Variants in RALGAPA1 observed in about 807,000 individuals in gnomAD.
RALGAPA1 encodes the protein Ral GTPase activating protein catalytic subunit alpha 1, also known as ral GTPase-activating protein subunit alpha-1.
Under a neutral mutation model 269.6 loss-of-function variants are expected in RALGAPA1, and 52 were observed. The ratio of observed to expected loss-of-function variants is 0.19; its 90% CI spans 0.15 to 0.24. The LOEUF (loss-of-function observed/expected upper bound fraction) is 0.24. RALGAPA1 is among the 10% of genes least tolerant of loss of function. The pLI, the probability that RALGAPA1 is intolerant of heterozygous loss-of-function variation, is 1.00. For synonymous variants in RALGAPA1, 817 were observed against 1,008.3 expected (o/e 0.81, Z 3.60); for missense variants, 1,917 against 3,013.9 (o/e 0.64, Z 8.52).
intron 39 of RALGAPA1, among the ~76,000 whole-genome samples, chr14:35,557,757 A>G (rs1237449506): frequency 6.6e-6 from 1 of 152,228 alleles, no homozygotes; most frequent in African/African-American, 2.4e-5. Flanking sequence ...CTGATTTTAC[A>G]AAACATGCAT....
intron 28 of RALGAPA1, among the ~76,000 whole-genome samples, chr14:35,656,347 AG>A (rs1033056067): frequency 5.3e-5 from 8 of 152,224 alleles, no homozygotes; most frequent in Admixed American, 5.2e-4. Context: ...TAACACACCT[AG>A]CTACAAATTG....
At chr14:35,703,416 C>T (rs1486497833) in intron 16 of RALGAPA1, among the ~76,000 whole-genome samples, 3 of 152,080 alleles carry the variant, frequency 2.0e-5, no homozygotes, top group Admixed American at 1.3e-4. Context: ...GAGGTCAACG[C>T]TACAATGAGC....
intron 35 of RALGAPA1, among the ~76,000 whole-genome samples, chr14:35,607,198 CAG>C (rs1437756659): frequency 6.6e-6 from 1 of 152,220 alleles, no homozygotes; most frequent in Non-Finnish European, 1.5e-5. Context: ...AGTAACAACA[CAG>C]AGCTTTTGAT....
At chr14:35,603,711 T>C (rs2059421360) in intron 36 of RALGAPA1, among the ~76,000 whole-genome samples, 1 of 152,126 alleles carries the variant, frequency 6.6e-6, no homozygotes, top group African/African-American at 2.4e-5. Flanking sequence ...TGGATAGAAT[T>C]GGAGGTCATT....
At chr14:35,540,293 C>T (rs754127558) in intron 41 of RALGAPA1, among the ~76,000 whole-genome samples, 5 of 152,058 alleles carry the variant, frequency 3.3e-5, no homozygotes, top group Non-Finnish European at 7.4e-5. Flanking sequence ...GACAAGAATT[C>T]TCCTCTGAAT....
At chr14:35,716,026 C>T (rs925634052) in intron 16 of RALGAPA1, 2 of 984,304 alleles carry the variant, frequency 2.0e-6, no homozygotes, top group Non-Finnish European at 2.4e-6. Flanking sequence ...GCTGGCAATA[C>T]GAGTCATGTA....
chr14:35,728,450 G>T lies in RALGAPA1; in HGVS notation c.1648C>A (p.Leu550Ile). The T allele has an allele frequency of 1.9e-6, 3 of 1,609,766 alleles. No homozygotes were observed. Among genetic ancestry groups the T allele is most frequent in the African/African-American group, 1.3e-5 (1 of 74,792 alleles). The change falls in exon 13 of 42, where the codon CTT becomes ATT. Residue 550 changes from leucine (L) to isoleucine (I), a missense_variant. By Grantham distance (5) the Leu-to-Ile change is conservative. This residue lies in a region of RALGAPA1 where 462 missense variants were observed against 725.6 expected (regional missense o/e 0.64). Transcript: ENST00000680220. ...CACATATCTGTGTGTTCATCCAGAA[G>T]ATTTTTTATTTCATTTGCAGGTTCA... ...LLEPANEIKNLLDEHTDMCKR... is the reference protein window; with the variant it reads ...LLEPANEIKNILDEHTDMCKR...
intron 10 of RALGAPA1, among the ~76,000 whole-genome samples, chr14:35,746,792 T>C (rs2072151330): frequency 6.6e-6 from 1 of 151,828 alleles, no homozygotes; most frequent in Admixed American, 6.6e-5. Context: ...ATCAGACTAG[T>C]AGGGTTCTAA....
intron 35 of RALGAPA1, among the ~76,000 whole-genome samples, chr14:35,610,762 A>G (rs1159061870): frequency 5.3e-5 from 8 of 152,230 alleles, no homozygotes; most frequent in Non-Finnish European, 1.0e-4. Context: ...AGGCTATTAG[A>G]GCTAATAAAC....
At chr14:35,586,428 G>A (rs1187191137) in intron 37 of RALGAPA1, among the ~76,000 whole-genome samples, 1 of 152,064 alleles carries the variant, frequency 6.6e-6, no homozygotes, top group Non-Finnish European at 1.5e-5. Context: ...TTTCCTAATT[G>A]AACACCCTTT....
chr14:35,728,580 C>T, intron 12 of RALGAPA1, 70 bp from the exon 13 acceptor site: 1 of 1,481,836 alleles, frequency 6.7e-7, no homozygotes, highest in Non-Finnish European at 9.0e-7. Context: ...CAAAGAGAAA[C>T]AGACACTGAT....
chr14:35,593,432 C>G (rs2058749821), intron 37 of RALGAPA1, among the ~76,000 whole-genome samples: 1 of 151,620 alleles, frequency 6.6e-6, no homozygotes, highest in Non-Finnish European at 1.5e-5. Context: ...TAATGGAATC[C>G]CCATAAAAAC....
At chr14:35,673,420 G>A (rs1024416633) in intron 24 of RALGAPA1, among the ~76,000 whole-genome samples, 17 of 152,084 alleles carry the variant, frequency 1.1e-4, no homozygotes, top group Middle Eastern at 3.4e-3. Flanking sequence ...GCCAGGCACG[G>A]TGGCACACGC....
chr14:35,740,723 G>C (rs2071469479), intron 11 of RALGAPA1, among the ~76,000 whole-genome samples: 1 of 152,148 alleles, frequency 6.6e-6, no homozygotes, highest in African/African-American at 2.4e-5. Context: ...CTGGATGATG[G>C]CTTGAACCCG....
At chr14:35,740,861 T>C (rs1399604707) in intron 11 of RALGAPA1, among the ~76,000 whole-genome samples, 1 of 152,130 alleles carries the variant, frequency 6.6e-6, no homozygotes, top group Non-Finnish European at 1.5e-5. Flanking sequence ...TTATCTGAAT[T>C]TATAACATAA....
At position 35,747,598 on chromosome 14, in the gene RALGAPA1, A is replaced by G. The variant is rs538610876; in HGVS notation, c.1251+987T>C. Among the ~76,000 whole-genome samples the G allele has an allele frequency of 2.0e-5, 3 of 152,324 alleles. 1 individual carries two copies. In the South Asian group the frequency reaches 6.2e-4, roughly 32 times the overall value. On this transcript the variant is annotated intron_variant, in intron 10 of 41. Coordinates refer to ENST00000680220, the MANE Select transcript of RALGAPA1 (RefSeq NM_001346249.2). The stretch of plus-strand genomic sequence containing the variant: ...GAGATCAAGATTATTTGCTTTGCCT[A>G]GAGAGCTCCCTGGAATGTGAATGCA...
At chr14:35,638,830 G>A (rs937061082) in intron 31 of RALGAPA1, among the ~76,000 whole-genome samples, 2 of 152,064 alleles carry the variant, frequency 1.3e-5, no homozygotes, top group African/African-American at 4.8e-5. Context: ...GAAGGCTGAG[G>A]CAGGTGAATC....
chr14:35,674,044 T>C, intron 24 of RALGAPA1, 136 bp downstream of exon 24: 1 of 616,620 alleles, frequency 1.6e-6, no homozygotes. Flanking sequence ...CTCTATATAA[T>C]GCCTAATGAC....
intron 28 of RALGAPA1, 23 bp downstream of exon 28, chr14:35,659,115 C>T (rs778591535): frequency 1.3e-6 from 2 of 1,548,286 alleles, no homozygotes; most frequent in Non-Finnish European, 1.8e-6. Flanking sequence ...TAGTTATACT[C>T]AGTCTAAGAA....
Sources: gnomAD v4.1 joint callset for allele counts (sites outside exome capture counted in the v4.1 genomes callset) on GRCh38, gnomAD v4.1.1 for gene constraint, gnomAD v4.1.1 regional missense constraint, MANE v1.5 for transcripts, NCBI Gene and HGNC (gene_info 2026-07-23, HGNC 2026-07-21) for gene names.